The following CTNNA3 variants were observed in gnomAD, a reference collection of about 807,000 sequenced individuals.
The protein encoded by CTNNA3 is catenin alpha-3.
In CTNNA3, 76 loss-of-function variants were observed where a neutral mutation model predicts 95.7. That is an observed-to-expected ratio of 0.79 (90% CI 0.66 to 0.96). CTNNA3 has a LOEUF of 0.96. CTNNA3 is among the 40% of genes least tolerant of loss of function. CTNNA3 has a pLI of 0.00. For missense variants in CTNNA3, 1,191 were observed against 1,089.8 expected, an observed-to-expected ratio of 1.09 and a Z score of -1.31; for synonymous variants, 431 against 374.4, an observed-to-expected ratio of 1.15 and a Z score of -1.74.
At chr10:66,205,062 A>C (rs1326056259) in intron 13 of CTNNA3, among the ~76,000 whole-genome samples, 1 of 152,172 alleles carries the variant, frequency 6.6e-6, no homozygotes, top group Non-Finnish European at 1.5e-5. Flanking sequence ...AAACATGCTG[A>C]GAAAGCCTGC....
At chr10:67,443,278 C>A (rs914866478) in intron 5 of CTNNA3, among the ~76,000 whole-genome samples, 7 of 150,344 alleles carry the variant, frequency 4.7e-5, no homozygotes, top group African/African-American at 1.5e-4. Flanking sequence ...GTCTTTATAG[C>A]AGCATGATTT....
At chr10:66,936,233 G>C (rs1423623755) in intron 7 of CTNNA3, among the ~76,000 whole-genome samples, 1 of 152,022 alleles carries the variant, frequency 6.6e-6, no homozygotes, top group African/African-American at 2.4e-5. Context: ...TAAAATGCAA[G>C]AGCATTAAGC....
intron 12 of CTNNA3, among the ~76,000 whole-genome samples, chr10:66,314,779 T>C (rs899709149): frequency 2.0e-5 from 3 of 152,096 alleles, no homozygotes; most frequent in Non-Finnish European, 2.9e-5. Context: ...AACACAATAC[T>C]TATAAATTTC....
At chr10:66,742,900 T>C (rs1705292569) in intron 9 of CTNNA3, among the ~76,000 whole-genome samples, 1 of 152,222 alleles carries the variant, frequency 6.6e-6, no homozygotes. Context: ...TTAACTATAC[T>C]GCTCAGATAG....
At chr10:66,177,002 G>A (rs1434720948) in intron 13 of CTNNA3, among the ~76,000 whole-genome samples, 1 of 152,008 alleles carries the variant, frequency 6.6e-6, no homozygotes, top group Non-Finnish European at 1.5e-5. Context: ...CTTGAACTTA[G>A]AGAACTAAGC....
intron 1 of CTNNA3, among the ~76,000 whole-genome samples, chr10:67,693,906 C>T (rs1458869943): frequency 6.6e-6 from 1 of 152,156 alleles, no homozygotes; most frequent in Non-Finnish European, 1.5e-5. Flanking sequence ...CATGTTTTCC[C>T]TATAGAAAAA....
intron 9 of CTNNA3, among the ~76,000 whole-genome samples, chr10:66,744,315 T>G (rs1849431128): frequency 6.6e-6 from 1 of 152,192 alleles, no homozygotes; most frequent in Non-Finnish European, 1.5e-5. Context: ...TTCAAATAAT[T>G]AAGGACTCTA....
chr10:66,547,231 C>CTCA (rs1228265767), intron 10 of CTNNA3, among the ~76,000 whole-genome samples: 1 of 151,966 alleles, frequency 6.6e-6, no homozygotes, highest in African/African-American at 2.4e-5. Flanking sequence ...CACACGACCA[C>CTCA]TCATCACCTC....
At chr10:65,949,003 T>G (rs1462491039) in intron 17 of CTNNA3, among the ~76,000 whole-genome samples, 1 of 152,200 alleles carries the variant, frequency 6.6e-6, no homozygotes, top group East Asian at 1.9e-4. Flanking sequence ...AGTTTCAAAT[T>G]TTTATATTTT....
chr10:67,163,106 AAG>A (rs1259218653), intron 7 of CTNNA3, among the ~76,000 whole-genome samples: 2 of 152,128 alleles, frequency 1.3e-5, no homozygotes, highest in Non-Finnish European at 2.9e-5. Flanking sequence ...AAGATAAAAA[AAG>A]AGGGAGTACT....
intron 11 of CTNNA3, among the ~76,000 whole-genome samples, chr10:66,508,211 T>TTTTTTTTTTTTTTTTTG (rs1491247894): frequency 1.1e-5 from 1 of 91,176 alleles, no homozygotes; most frequent in Non-Finnish European, 2.1e-5. Context: ...TTGTTTTCTG[T>TTTTTTTTTTTTTTTTTG]TTTTTTTTTT....
intron 13 of CTNNA3, among the ~76,000 whole-genome samples, chr10:66,212,840 C>T (rs1183565997): frequency 2.0e-5 from 3 of 152,238 alleles, no homozygotes; most frequent in South Asian, 4.1e-4. Context: ...CCCATCTCTA[C>T]TAAAACTACA....
chr10:67,472,588 G>A (rs533720693), intron 5 of CTNNA3, among the ~76,000 whole-genome samples: 7 of 152,284 alleles, frequency 4.6e-5, no homozygotes, highest in African/African-American at 7.2e-5. Flanking sequence ...GAAAACCACC[G>A]TTCTGGGAGC....
At chr10:66,585,361 T>C (rs1207651660) in intron 10 of CTNNA3, among the ~76,000 whole-genome samples, 1 of 152,052 alleles carries the variant, frequency 6.6e-6, no homozygotes, top group East Asian at 1.9e-4. Context: ...ATCCACATAT[T>C]TCTTGAGACT....
At chr10:66,906,051 A>G (rs899289496) in intron 7 of CTNNA3, among the ~76,000 whole-genome samples, 18 of 152,338 alleles carry the variant, frequency 1.2e-4, no homozygotes, top group African/African-American at 2.9e-4. Flanking sequence ...TGAAAAAGGA[A>G]TAACAGAATA....
intron 12 of CTNNA3, among the ~76,000 whole-genome samples, chr10:66,353,785 G>A (rs74141455): frequency 0.012 from 1,765 of 152,054 alleles, 24 homozygotes; most frequent in African/African-American, 0.035. Flanking sequence ...GATAGTTTTT[G>A]TAACAGGGGA....
intron 11 of CTNNA3, among the ~76,000 whole-genome samples, chr10:66,513,517 C>T (rs1175109760): frequency 1.3e-5 from 2 of 152,206 alleles, no homozygotes; most frequent in Non-Finnish European, 2.9e-5. Flanking sequence ...GTACACATTG[C>T]ATGGACCAGT....
intron 15 of CTNNA3, among the ~76,000 whole-genome samples, chr10:66,064,578 T>C (rs1489846427): frequency 2.6e-5 from 4 of 152,196 alleles, no homozygotes; most frequent in African/African-American, 9.7e-5. Context: ...GCATTCACCG[T>C]TGATGCTCCA....
chr10:67,677,670 A>G (rs1478104868), intron 1 of CTNNA3, among the ~76,000 whole-genome samples: 1 of 152,108 alleles, frequency 6.6e-6, no homozygotes, highest in East Asian at 1.9e-4. Flanking sequence ...CTAGCAATAC[A>G]TTTCTAACTA....
Sources: gnomAD v4.1 joint callset for allele counts (sites outside exome capture counted in the v4.1 genomes callset) on GRCh38, gnomAD v4.1.1 for gene constraint, MANE v1.5 for transcripts, NCBI Gene and HGNC (gene_info 2026-07-23, HGNC 2026-07-21) for gene names.